SLC13A2: variants seen among roughly 807,000 people sequenced by gnomAD.
The protein encoded by SLC13A2 is solute carrier family 13 member 2.
SLC13A2 carries 40 observed loss-of-function variants against 58.5 expected under a neutral mutation model. That is an observed-to-expected ratio of 0.68 (90% CI 0.53 to 0.89). The LOEUF (loss-of-function observed/expected upper bound fraction) is 0.89. Ranked by LOEUF, SLC13A2 falls within the 40% of genes least tolerant of loss-of-function variation. The pLI, the probability that SLC13A2 is intolerant of heterozygous loss-of-function variation, is 0.00. For missense variants in SLC13A2, 694 were observed against 772.6 expected (o/e 0.90, Z 1.21); for synonymous variants, 341 against 331.6 (o/e 1.03, Z -0.31).
chr17:28,493,973 C>T, intron 7 of SLC13A2, 44 bp from the exon 8 acceptor site: 10 of 1,587,144 alleles, frequency 6.3e-6, no homozygotes, highest in Non-Finnish European at 8.6e-6. Flanking sequence ...CTGAGCAACC[C>T]CAAGCGGCTA....
chr17:28,489,823 A>C (rs1456561276), intron 2 of SLC13A2, among the ~76,000 whole-genome samples: 1 of 152,212 alleles, frequency 6.6e-6, no homozygotes, highest in African/African-American at 2.4e-5. Flanking sequence ...TTTGAGAACC[A>C]CTGTCTAGTT....
rs202116509 is a variant in SLC13A2 at position 28,489,328 on chromosome 17, G to A, written c.217G>A (p.Val73Met). 64 of 1,606,386 alleles carry A rather than the reference G, an allele frequency of 4.0e-5. No homozygotes were observed. The highest frequency in any genetic ancestry group is 1.6e-4 in the Middle Eastern group (1 of 6,062). ...AATCCTGTTCCCTATGATGGGCATC[G>A]TGGATGCCTCTGAGGTGAGCCCCAT... ...PLILFPMMGI[V>M]DASEVAVEYL... Residue 73 changes from valine (V) to methionine (M), a missense_variant, in exon 2 of 12, where the codon GTG (valine) becomes ATG (methionine). Physicochemically the swap from Val to Met is conservative, Grantham distance 21. Transcript: ENST00000314669.
Position 28,480,499 on chromosome 17 carries a change from T to C in SLC13A2, c.102+6685T>C, listed in dbSNP as rs190049237. Among the ~76,000 whole-genome samples, 493 of 152,246 alleles carry C rather than the reference T, an allele frequency of 3.2e-3. 1 individual carries two copies. The highest frequency in any genetic ancestry group is 0.011 in the African/African-American group (462 of 41,544). The stretch of plus-strand genomic sequence containing the variant: ...GAGATTTCTTGGCCCTCAGCTGAGA[T>C]AGCAGAGTCCAGTGAACAAAACATG... On this transcript the variant is annotated intron_variant, in intron 1 of 11. Transcript: ENST00000314669.
In SLC13A2 at chr17:28,495,827, C is replaced by T; in HGVS notation, c.1470+11C>T. On this transcript the variant is annotated intron_variant, in intron 10 of 11. Transcript: ENST00000314669. ...ATCCTAGCCTCCATGGTGAGCTGGCCCTCAGAAACACCTCCTCCAGGCAGC... is the reference window on the plus strand; with the variant it reads ...ATCCTAGCCTCCATGGTGAGCTGGCTCTCAGAAACACCTCCTCCAGGCAGC... The T allele has an allele frequency of 6.2e-7, 1 of 1,609,968 alleles. No homozygotes were observed. The highest frequency in any genetic ancestry group is 2.2e-5 in the East Asian group (1 of 44,782).
At chr17:28,477,486 G>GTA (rs1567844251) in intron 1 of SLC13A2, among the ~76,000 whole-genome samples, 1 of 151,756 alleles carries the variant, frequency 6.6e-6, no homozygotes, top group African/African-American at 2.4e-5. Flanking sequence ...GAGCCACCAT[G>GTA]CCCGGCCACC....
At chr17:28,491,691 C>A (rs1555603493) in intron 5 of SLC13A2, 39 bp from the exon 6 acceptor site, 6 of 1,610,902 alleles carry the variant, frequency 3.7e-6, no homozygotes, top group Non-Finnish European at 5.1e-6. Context: ...GGGCAGTTCT[C>A]GGGGCAATGT....
At chr17:28,477,709 T>C (rs1160804426) in intron 1 of SLC13A2, among the ~76,000 whole-genome samples, 1 of 152,248 alleles carries the variant, frequency 6.6e-6, no homozygotes, top group Non-Finnish European at 1.5e-5. Context: ...TGCTTGACAT[T>C]ATGCCATGCA....
chr17:28,493,860 G>A (rs782497220), intron 7 of SLC13A2, 71 bp downstream of exon 7: 1 of 1,555,668 alleles, frequency 6.4e-7, no homozygotes, highest in South Asian at 1.1e-5. Flanking sequence ...GAAGGGTATA[G>A]GGCCCCCATT....
In SLC13A2 at chr17:28,496,965, G is replaced by A. The variant is rs1597513929; in HGVS notation, c.1609-134G>A. 2 of 897,228 alleles carry A rather than the reference G, an allele frequency of 2.2e-6. No individual in the cohort carries two copies. The highest frequency in any genetic ancestry group is 1.7e-5 in the African/African-American group (1 of 60,198). The allele number at this position is 897,228 out of a possible 1,614,324, so 55.6% of individuals were successfully genotyped here. On this transcript the variant is annotated intron_variant, in intron 11 of 11. Coordinates refer to ENST00000314669, the MANE Select transcript of SLC13A2 (RefSeq NM_003984.4). This position sits in a 1 kb window ranked among gnomAD's most constrained non-coding sequence, Gnocchi z 4.2. ...GGGCAAAGGCATTGGCTATGCTGCA[G>A]GTTAGACCAACGGGAGGACTTCCCA...
At chr17:28,482,114 G>A (rs563166370) in intron 1 of SLC13A2, among the ~76,000 whole-genome samples, 10 of 152,114 alleles carry the variant, frequency 6.6e-5, no homozygotes, top group South Asian at 2.1e-4. Context: ...CCTCCCGGGT[G>A]GTTCCGGTGA....
At chr17:28,474,708 A>G (rs2068641693) in intron 1 of SLC13A2, among the ~76,000 whole-genome samples, 1 of 152,152 alleles carries the variant, frequency 6.6e-6, no homozygotes, top group African/African-American at 2.4e-5. Flanking sequence ...GGCTTTGGGA[A>G]GGGTCCAGGG....
intron 1 of SLC13A2, among the ~76,000 whole-genome samples, chr17:28,477,372 T>G (rs1344355891): frequency 6.6e-6 from 1 of 151,528 alleles, no homozygotes; most frequent in Non-Finnish European, 1.5e-5. Context: ...TTTTTTGTAT[T>G]TTTAGTAGAG....
intron 1 of SLC13A2, among the ~76,000 whole-genome samples, chr17:28,483,175 C>T (rs1212168306): frequency 2.6e-5 from 4 of 152,236 alleles, no homozygotes; most frequent in Admixed American, 1.3e-4. Context: ...ACAGGTCCCA[C>T]ACCTGCCACA....
intron 1 of SLC13A2, among the ~76,000 whole-genome samples, chr17:28,477,450 T>C (rs1253676475): frequency 2.0e-5 from 3 of 151,802 alleles, no homozygotes; most frequent in Non-Finnish European, 4.4e-5. Flanking sequence ...CGCCTTGGCC[T>C]CCCAAAGTGC....
chr17:28,476,730 C>G (rs1567843008), intron 1 of SLC13A2, among the ~76,000 whole-genome samples: 1 of 152,210 alleles, frequency 6.6e-6, no homozygotes, highest in Non-Finnish European at 1.5e-5. Flanking sequence ...TGTTTACTCT[C>G]TGAAATCATC....
chr17:28,486,811 T>TG (rs2068890891), intron 1 of SLC13A2, among the ~76,000 whole-genome samples: 1 of 137,602 alleles, frequency 7.3e-6, no homozygotes, highest in Non-Finnish European at 1.6e-5. Context: ...TTTTTTTTTT[T>TG]GATACAAGGT....
chr17:28,494,158 A>T lies in SLC13A2; in HGVS notation c.1186+53A>T. On this transcript the variant is annotated intron_variant, in intron 8 of 11. Transcript: ENST00000314669. The surrounding 1 kb of genome is among the most constrained non-coding windows in gnomAD (Gnocchi z 4.0). ...GGTCTCCGGGCAGCCCCTGCCTTCA[A>T]GTATGTAATGTACCTTCCACCACAC... 1 of 1,555,042 alleles carries T rather than the reference A, an allele frequency of 6.4e-7. No homozygotes were observed. Among genetic ancestry groups the T allele is most frequent in the Non-Finnish European group, 8.9e-7 (1 of 1,127,086 alleles).
Position 28,490,811 on chromosome 17 carries a change from A to G in SLC13A2, c.479A>G (p.His160Arg), listed in dbSNP as rs782677528. Residue 160 changes from histidine (H) to arginine (R), a missense_variant, in exon 4 of 12, where the codon CAC becomes CGC. By Grantham distance (29) the His-to-Arg change is conservative. Coordinates refer to ENST00000314669, the MANE Select transcript of SLC13A2 (RefSeq NM_003984.4). ...PIAHAVLDQLHSSQASSNVEE... is the reference protein window; with the variant it reads ...PIAHAVLDQLRSSQASSNVEE... ...GCACATGCCGTCCTGGACCAGCTGC[A>G]CAGCTCGCAAGCCAGCAGCAACGTC... 6.8e-6 allele frequency: 11 copies of G among 1,613,972 alleles called. No individual in the cohort carries two copies. The South Asian group carries it at 1.1e-4, about 16-fold the overall frequency.
intron 6 of SLC13A2, among the ~76,000 whole-genome samples, chr17:28,493,167 G>A (rs1331132701): frequency 2.0e-5 from 3 of 152,200 alleles, no homozygotes; most frequent in African/African-American, 7.2e-5. Flanking sequence ...GACAATGCAG[G>A]TGGGGCTCAG....
Sources: allele counts gnomAD v4.1 joint callset (sites outside exome capture counted in the v4.1 genomes callset), GRCh38; gene constraint gnomAD v4.1.1; non-coding constraint Gnocchi (gnomAD v3.1); transcripts MANE v1.5; gene names NCBI Gene and HGNC (gene_info 2026-07-23, HGNC 2026-07-21).